SLC66A2: variants seen among roughly 807,000 people sequenced by gnomAD.
SLC66A2 encodes the protein solute carrier family 66 member 2, also known as PQ loop repeat containing 1.
A neutral mutation model predicts 25.5 loss-of-function variants in SLC66A2; 23 were observed. The ratio of observed to expected loss-of-function variants is 0.90; its 90% CI spans 0.65 to 1.28. SLC66A2 has a LOEUF of 1.28. Ranked by LOEUF, SLC66A2 falls within the 50% of genes most tolerant of loss-of-function variation. The probability of loss-of-function intolerance (pLI) is 0.00; values close to 1 mark genes in which losing one functional copy is unlikely to be tolerated. For synonymous variants in SLC66A2, 193 were observed against 166.5 expected, an observed-to-expected ratio of 1.16 and a Z score of -1.23; for missense variants, 396 against 373.1, an observed-to-expected ratio of 1.06 and a Z score of -0.51.
chr18:79,905,418 G>C (rs1179879978), intron 5 of SLC66A2, among the ~76,000 whole-genome samples: 1 of 151,330 alleles, frequency 6.6e-6, no homozygotes, highest in East Asian at 2.0e-4. Flanking sequence ...CAGGCCCCTC[G>C]GCCTCTCACA....
Position 79,943,531 on chromosome 18 carries a change from C to T in SLC66A2, c.204-69G>A, listed in dbSNP as rs1259424990. ...ACTTCTCCCAGTCCCGAACCTGCAG[C>T]GGGAGAGACCCGGGTCAGGAGGGAG... On this transcript the variant is annotated intron_variant, in intron 2 of 5. Transcript: ENST00000397778. 2.0e-5 allele frequency: 32 copies of T among 1,563,680 alleles called. No individual in the cohort carries two copies. The Middle Eastern group carries it at 5.5e-4, about 27-fold the overall frequency.
intron 5 of SLC66A2, among the ~76,000 whole-genome samples, chr18:79,909,746 CAG>C (rs1215139050): frequency 7.3e-6 from 1 of 136,262 alleles, no homozygotes; most frequent in Non-Finnish European, 1.6e-5. Context: ...ACCACCTCAC[CAG>C]AGTCCCCAAC....
chr18:79,944,471 C>G (rs1987992486), intron 2 of SLC66A2: 1 of 152,312 alleles, frequency 6.6e-6, no homozygotes. Flanking sequence ...TTCAGCTCAG[C>G]TAGGAGCCTC....
In SLC66A2 at chr18:79,904,541, C is replaced by T. The variant is rs192540073; in HGVS notation, c.609-358G>A. ...GAACAGTGAGACCAGCTCGAGGCTA[C>T]AGGGGACAGCAGGGCGAGCAGCTGA... On this transcript the variant is annotated intron_variant, in intron 5 of 5. Coordinates refer to ENST00000397778, the MANE Select transcript of SLC66A2 (RefSeq NM_025078.5). The surrounding 1 kb of genome is among the most constrained non-coding windows in gnomAD (Gnocchi z 6.3). 1.3e-5 allele frequency among the ~76,000 whole-genome samples: 2 copies of T among 152,256 alleles called. No homozygotes were observed. Among genetic ancestry groups the T allele is most frequent in the Admixed American group, 1.3e-4 (2 of 15,308 alleles).
chr18:79,912,159 C>G (rs12457945), intron 5 of SLC66A2, among the ~76,000 whole-genome samples: 1,955 of 36,550 alleles, frequency 0.053, 23 homozygotes, highest in African/African-American at 0.12. Flanking sequence ...ACGGCAGCAG[C>G]GAGGGGATGG....
At position 79,916,193 on chromosome 18, in the gene SLC66A2, C is replaced by T. The variant is rs112785566; in HGVS notation, c.608+2991G>A. 5.1e-4 allele frequency among the ~76,000 whole-genome samples: 24 copies of T among 46,926 alleles called. 2 individuals are homozygous for T. Among genetic ancestry groups the T allele is most frequent in the African/African-American group, 1.0e-3 (20 of 19,280 alleles). The allele number at this position is 46,926 out of a possible 152,430, so 30.8% of individuals were successfully genotyped here. ...GTGCTCCCGTACCCTCCCATACCCA[C>T]GGTGCTCCCGTACCCGCGGCGCTCT... On this transcript the variant is annotated intron_variant, in intron 5 of 5. Coordinates refer to ENST00000397778, the MANE Select transcript of SLC66A2 (RefSeq NM_025078.5).
intron 5 of SLC66A2, among the ~76,000 whole-genome samples, chr18:79,914,819 G>A (rs1983755250): frequency 6.6e-6 from 1 of 152,230 alleles, no homozygotes; most frequent in Non-Finnish European, 1.5e-5. Context: ...CCTGCCCAGA[G>A]GGAGCCTCAG....
intron 2 of SLC66A2, among the ~76,000 whole-genome samples, chr18:79,950,401 G>A (rs1437412119): frequency 1.3e-5 from 2 of 152,132 alleles, no homozygotes; most frequent in Non-Finnish European, 2.9e-5. Context: ...AAGGAGGGCA[G>A]GAACGGCTCC....
At position 79,943,395 on chromosome 18, in the gene SLC66A2, T is replaced by A. The variant is rs774667935; in HGVS notation, c.271A>T (p.Met91Leu). ...SAIMILTMLL[M>L]LKLCTEVRVA... ...CGGACCTCGGTGCACAGCTTCAGCA[T>A]CAGCAGCATGGTCAGGATCATGATG... The change falls in exon 3 of 6, where the codon ATG becomes TTG. Residue 91 changes from methionine (M) to leucine (L), a missense_variant. Physicochemically the swap from Met to Leu is conservative, Grantham distance 15 (BLOSUM62 2). Coordinates refer to ENST00000397778, the MANE Select transcript of SLC66A2 (RefSeq NM_025078.5). 4 of 1,614,170 alleles carry A rather than the reference T, an allele frequency of 2.5e-6. No homozygotes were observed. In the South Asian group the frequency reaches 4.4e-5, roughly 18 times the overall value.
intron 4 of SLC66A2, among the ~76,000 whole-genome samples, chr18:79,933,386 G>A (rs2115997): frequency 0.9 from 136,402 of 152,224 alleles, 63,080 homozygotes; most frequent in East Asian, 1. Context: ...TAAGATAGGT[G>A]CATCCACTCT....
At chr18:79,945,254 C>G (rs937520882) in intron 2 of SLC66A2, 2 of 152,444 alleles carry the variant, frequency 1.3e-5, no homozygotes, top group South Asian at 2.1e-4. Context: ...GACCAAGGCC[C>G]TTCCCTGTCT....
intron 4 of SLC66A2, among the ~76,000 whole-genome samples, chr18:79,924,118 G>A (rs1025382529): frequency 1.3e-5 from 2 of 152,174 alleles, no homozygotes; most frequent in African/African-American, 2.4e-5. Context: ...CTGCCGGGCC[G>A]GCGGAGAGGC....
rs776166902 is a variant in SLC66A2 at position 79,904,143 on chromosome 18, T to A, written c.649A>T (p.Lys217Ter). The A allele has an allele frequency of 2.5e-6, 4 of 1,612,828 alleles. No individual in the cohort carries two copies. In the Admixed American group the frequency reaches 6.7e-5, roughly 27 times the overall value. The change falls in exon 6 of 6, where the codon AAG becomes TAG. Residue 217 changes from lysine to a stop codon, truncating the protein, a stop_gained. Transcript: ENST00000397778. LOFTEE classifies it high-confidence loss of function. This position sits in a 1 kb window ranked among gnomAD's most constrained non-coding sequence, Gnocchi z 6.3. ...CCCTTCAGCAGGAAGTAGGCCGTCT[T>A]GAAGGCGTCACCACTGGTCCACATG... ...VLMWTSGDAF[K>*]TAYFLLKGAP...
At position 79,950,821 on chromosome 18, in the gene SLC66A2, G is replaced by C. The variant is rs145964219; in HGVS notation, c.106C>G (p.Gln36Glu). 4 of 1,612,674 alleles carry C rather than the reference G, an allele frequency of 2.5e-6. No homozygotes were observed. The highest frequency in any genetic ancestry group is 3.4e-6 in the Non-Finnish European group (4 of 1,179,864). Residue 36 changes from glutamine to glutamate, a missense_variant, in exon 2 of 6, where the codon CAG becomes GAG. Gln to Glu is a conservative substitution (Grantham distance 29). Transcript: ENST00000397778. ...VFGGVVPYVP[Q>E]YRDIRRTQNA... ...TGCGTCCTGCGAATGTCCCGATACT[G>C]CGGGACGTAGGGCACCACCCCTCCG...
chr18:79,909,350 G>A (rs1982588011), intron 5 of SLC66A2, among the ~76,000 whole-genome samples: 1 of 152,138 alleles, frequency 6.6e-6, no homozygotes, highest in Non-Finnish European at 1.5e-5. Flanking sequence ...CTATGCATGT[G>A]TAGTTCAAGG....
rs1202138764 is a variant in SLC66A2, at chr18:79,941,104, GATTAT to G, written c.337+2220_337+2224del. 1.3e-5 allele frequency among the ~76,000 whole-genome samples: 2 copies of G among 152,184 alleles called. No homozygotes were observed. Among genetic ancestry groups the G allele is most frequent in the Non-Finnish European group, 2.9e-5 (2 of 68,032 alleles). ...AAACGTGGCAGCCACAATGCAGGCTGATTATCTTAATTCTGGAGGCCAGAGGCCCA... is the reference window on the plus strand; with the variant it reads ...AAACGTGGCAGCCACAATGCAGGCTGCTTAATTCTGGAGGCCAGAGGCCCA... On this transcript the variant is annotated intron_variant, in intron 3 of 5. Transcript: ENST00000397778. The surrounding 1 kb of genome is among the most constrained non-coding windows in gnomAD (Gnocchi z 4.1).
At chr18:79,913,824 G>A (rs1439201354) in intron 5 of SLC66A2, among the ~76,000 whole-genome samples, 1 of 152,204 alleles carries the variant, frequency 6.6e-6, no homozygotes, top group Non-Finnish European at 1.5e-5. Context: ...CCCTCACCTA[G>A]GGCAGTGGCA....
At chr18:79,925,180 C>T (rs544906154) in intron 4 of SLC66A2, 4 of 152,244 alleles carry the variant, frequency 2.6e-5, no homozygotes, top group African/African-American at 7.2e-5. Flanking sequence ...AAGAGCTGGC[C>T]CTATTCCGAG....
chr18:79,911,669 G>C (rs1411782020), intron 5 of SLC66A2, among the ~76,000 whole-genome samples: 1 of 152,224 alleles, frequency 6.6e-6, no homozygotes, highest in African/African-American at 2.4e-5. Context: ...CCACCACCAT[G>C]GCACGGGGAC....
Sources: gnomAD v4.1 joint callset for allele counts (sites outside exome capture counted in the v4.1 genomes callset) on GRCh38, gnomAD v4.1.1 for gene constraint, Gnocchi (gnomAD v3.1) non-coding constraint, MANE v1.5 for transcripts, NCBI Gene and HGNC (gene_info 2026-07-23, HGNC 2026-07-21) for gene names.